Variants in ST3GAL3 observed in about 807,000 individuals in gnomAD.
ST3GAL3 encodes the protein CMP-N-acetylneuraminate-beta-1,4-galactoside alpha-2,3-sialyltransferase.
ST3GAL3 carries 21 observed loss-of-function variants against 50.1 expected under a neutral mutation model. That is an observed-to-expected ratio of 0.42 (90% CI 0.30 to 0.60). The LOEUF is 0.60. Among genes scored for constraint, ST3GAL3 ranks in the 20% least tolerant of loss-of-function variants. The pLI is 0.19. For missense variants in ST3GAL3, 353 were observed against 489.4 expected, an observed-to-expected ratio of 0.72 and a Z score of 2.63; for synonymous variants, 183 against 190.0, an observed-to-expected ratio of 0.96 and a Z score of 0.30.
intron 4 of ST3GAL3, chr1:43,824,780 G>A (rs1270656771): frequency 6.3e-7 from 1 of 1,584,642 alleles, no homozygotes; most frequent in Non-Finnish European, 8.7e-7. Flanking sequence ...CTGCATATTG[G>A]AATCACCTGG....
At chr1:43,845,767 T>C (rs1317787494) in intron 5 of ST3GAL3, among the ~76,000 whole-genome samples, 1 of 152,136 alleles carries the variant, frequency 6.6e-6, no homozygotes, top group Non-Finnish European at 1.5e-5. Context: ...CATATAAACA[T>C]TGTAATGGTA....
intron 5 of ST3GAL3, among the ~76,000 whole-genome samples, chr1:43,871,786 A>G (rs1486797110): frequency 8.4e-5 from 1 of 11,922 alleles, no homozygotes. Flanking sequence ...AGAAGATGGG[A>G]TGTGTGGGAG....
At chr1:43,906,181 C>G (rs1374196463) in intron 9 of ST3GAL3, among the ~76,000 whole-genome samples, 11 of 121,440 alleles carry the variant, frequency 9.1e-5, no homozygotes, top group Non-Finnish European at 1.4e-4. Flanking sequence ...TCCTGCCACT[C>G]TTCCTCCCCC....
At chr1:43,843,310 C>A (rs1454577611) in intron 5 of ST3GAL3, among the ~76,000 whole-genome samples, 2 of 152,120 alleles carry the variant, frequency 1.3e-5, no homozygotes, top group Non-Finnish European at 2.9e-5. Context: ...TTGTCAAATG[C>A]TTTTTCTGCA....
intron 5 of ST3GAL3, chr1:43,851,730 C>G (rs957679274): frequency 2.8e-5 from 32 of 1,125,382 alleles, no homozygotes; most frequent in Middle Eastern, 2.5e-4. Flanking sequence ...ACTGGCATTG[C>G]TATTGCATGG....
intron 2 of ST3GAL3, among the ~76,000 whole-genome samples, chr1:43,778,487 A>G (rs1413044809): frequency 1.3e-5 from 2 of 152,136 alleles, no homozygotes; most frequent in African/African-American, 4.8e-5. Flanking sequence ...CAAGGTCCAC[A>G]CATTTGGGGT....
intron 2 of ST3GAL3, among the ~76,000 whole-genome samples, chr1:43,777,088 C>A (rs955075541): frequency 1.5e-4 from 23 of 152,248 alleles, no homozygotes; most frequent in African/African-American, 5.3e-4. Flanking sequence ...GTCCTGCTAT[C>A]AGAGAGATTC....
intron 2 of ST3GAL3, among the ~76,000 whole-genome samples, chr1:43,768,264 G>A (rs952310176): frequency 1.3e-5 from 2 of 152,086 alleles, no homozygotes; most frequent in Non-Finnish European, 2.9e-5. Flanking sequence ...GCAAGAGCCT[G>A]TCTCTACAAA....
rs80130421 is a variant in ST3GAL3 at position 43,827,043 on chromosome 1, C to A, written c.210-11176C>A. Among the ~76,000 whole-genome samples the A allele has an allele frequency of 2.0e-5, 3 of 152,224 alleles. No individual in the cohort carries two copies. The East Asian group carries it at 5.8e-4, about 29-fold the overall frequency. ...TTGAGATAAAACCAAGGATGTCCCC[C>A]CTCTCACCACTCCTGTTCAACATTA... On this transcript the variant is annotated intron_variant, in intron 4 of 11. Transcript: ENST00000347631.
At chr1:43,717,750 T>G (rs1557984377) in intron 1 of ST3GAL3, among the ~76,000 whole-genome samples, 1 of 152,074 alleles carries the variant, frequency 6.6e-6, no homozygotes. Context: ...TCAAGTGATA[T>G]GCCCACCTTA....
chr1:43,718,185 CTT>C (rs57506461), intron 1 of ST3GAL3, among the ~76,000 whole-genome samples: 1 of 83,376 alleles, frequency 1.2e-5, no homozygotes, highest in Non-Finnish European at 2.2e-5. Flanking sequence ...ATCATTAAAT[CTT>C]TTTTTTTTTT....
chr1:43,812,173 C>T (rs908209060), intron 3 of ST3GAL3, among the ~76,000 whole-genome samples: 2 of 152,176 alleles, frequency 1.3e-5, no homozygotes, highest in African/African-American at 2.4e-5. Flanking sequence ...ATAATCTTTA[C>T]ATTTTTCTTG....
At chr1:43,721,493 G>A (rs572168305) in intron 1 of ST3GAL3, among the ~76,000 whole-genome samples, 10 of 151,106 alleles carry the variant, frequency 6.6e-5, no homozygotes, top group Non-Finnish European at 1.3e-4. Context: ...TAGTAGAGAC[G>A]GGGTTTCTCT....
intron 5 of ST3GAL3, among the ~76,000 whole-genome samples, chr1:43,887,798 T>G (rs1333737134): frequency 6.7e-6 from 1 of 149,432 alleles, no homozygotes; most frequent in African/African-American, 2.6e-5. Flanking sequence ...TTGGGGAAAG[T>G]TATGGTGCTG....
intron 3 of ST3GAL3, among the ~76,000 whole-genome samples, chr1:43,810,830 C>T (rs1335405728): frequency 6.6e-6 from 1 of 152,120 alleles, no homozygotes. Flanking sequence ...GTCACATTGC[C>T]TCATTTACGA....
intron 2 of ST3GAL3, among the ~76,000 whole-genome samples, chr1:43,791,103 T>G (rs2058023935): frequency 1.3e-5 from 2 of 152,352 alleles, no homozygotes; most frequent in South Asian, 4.1e-4. Flanking sequence ...CCATTCTTGT[T>G]GGGTTTGACC....
At chr1:43,832,447 A>C (rs928494868) in intron 4 of ST3GAL3, among the ~76,000 whole-genome samples, 3 of 152,226 alleles carry the variant, frequency 2.0e-5, no homozygotes, top group African/African-American at 7.2e-5. Context: ...TACACGTATC[A>C]TGATGGCAAA....
At chr1:43,813,064 G>C (rs1295973678) in intron 3 of ST3GAL3, among the ~76,000 whole-genome samples, 1 of 152,164 alleles carries the variant, frequency 6.6e-6, no homozygotes, top group Admixed American at 6.5e-5. Flanking sequence ...CGCTGTATAA[G>C]AGTATTACAT....
At chr1:43,712,563 A>C (rs1297836970) in intron 1 of ST3GAL3, among the ~76,000 whole-genome samples, 1 of 152,236 alleles carries the variant, frequency 6.6e-6, no homozygotes, top group African/African-American at 2.4e-5. Flanking sequence ...AGAATACATT[A>C]TAACCAGAAG....
Sources: allele counts gnomAD v4.1 joint callset (sites outside exome capture counted in the v4.1 genomes callset), GRCh38; gene constraint gnomAD v4.1.1; transcripts MANE v1.5; gene names NCBI Gene and HGNC (gene_info 2026-07-23, HGNC 2026-07-21).